Variants in MYO16 observed in about 807,000 individuals in gnomAD.
MYO16 encodes the protein myosin XVI, also known as unconventional myosin-XVI.
A neutral mutation model predicts 205.3 loss-of-function variants in MYO16; 94 were observed. The observed-to-expected ratio is 0.46, with a 90% confidence interval of 0.39 to 0.54. MYO16 has a LOEUF of 0.54. Ranked by LOEUF, MYO16 falls within the 20% of genes least tolerant of loss-of-function variation. MYO16 has a pLI of 0.00. For missense variants in MYO16, 2,315 were observed against 2,387.5 expected (o/e 0.97, Z 0.63); for synonymous variants, 988 against 954.0 (o/e 1.04, Z -0.66).
intron 27 of MYO16, among the ~76,000 whole-genome samples, chr13:109,078,412 G>A (rs909159806): frequency 6.6e-6 from 1 of 152,000 alleles, no homozygotes; most frequent in African/African-American, 2.4e-5. Context: ...CTGTGCTCCG[G>A]TCTGGGCAAC....
At chr13:109,024,010 TATA>T (rs1347554150) in intron 23 of MYO16, among the ~76,000 whole-genome samples, 1 of 48,168 alleles carries the variant, frequency 2.1e-5, no homozygotes, top group East Asian at 2.0e-3. Flanking sequence ...ATAGAAATAT[TATA>T]TATACAATGT....
chr13:108,543,834 G>A, the MYO16 span, among the ~76,000 whole-genome samples: 1 of 148,624 alleles, frequency 6.7e-6, no homozygotes, highest in Admixed American at 6.7e-5. Flanking sequence ...GGGAGGCCGG[G>A]GTGGGTGGAT....
At chr13:108,708,592 G>T (rs1471527007) in intron 2 of MYO16, among the ~76,000 whole-genome samples, 1 of 152,144 alleles carries the variant, frequency 6.6e-6, no homozygotes, top group Non-Finnish European at 1.5e-5. Context: ...CTTCTGCAGG[G>T]CTTATAACAG....
chr13:108,791,651 A>G (rs1886619464), intron 5 of MYO16, among the ~76,000 whole-genome samples: 2 of 152,186 alleles, frequency 1.3e-5, no homozygotes, highest in Admixed American at 1.3e-4. Flanking sequence ...TTGCTCATCC[A>G]GGCTCGGAGA....
In MYO16 at chr13:109,042,726, G is replaced by T. The variant is rs531817512; in HGVS notation, c.2797-4190G>T. ...GGTCAAAGGCTTTTAAAGTTGGAGG[G>T]CCCTTAGGTAATATTATTTAACACA... On this transcript the variant is annotated intron_variant, in intron 23 of 34. Transcript: ENST00000457511. Among the ~76,000 whole-genome samples, 7 of 152,266 alleles carry T rather than the reference G, an allele frequency of 4.6e-5. No individual in the cohort carries two copies. In the South Asian group the frequency reaches 1.5e-3, roughly 32 times the overall value.
At chr13:108,516,183 C>T in the MYO16 span, among the ~76,000 whole-genome samples, 1 of 152,106 alleles carries the variant, frequency 6.6e-6, no homozygotes, top group Non-Finnish European at 1.5e-5. Flanking sequence ...TCGTGGTGCG[C>T]CATTTTTTAA....
chr13:108,931,697 T>C (rs1882264586), intron 16 of MYO16, among the ~76,000 whole-genome samples: 1 of 152,188 alleles, frequency 6.6e-6, no homozygotes, highest in African/African-American at 2.4e-5. Context: ...ATAATAGGTA[T>C]GTGATAAAAT....
At chr13:108,983,540 A>C (rs1030644725) in intron 20 of MYO16, among the ~76,000 whole-genome samples, 2 of 152,210 alleles carry the variant, frequency 1.3e-5, no homozygotes, top group African/African-American at 2.4e-5. Flanking sequence ...CTGAGGACAC[A>C]CTTGAAAAAC....
In MYO16 at chr13:109,019,782, A is replaced by G; in HGVS notation, c.2667A>G (p.Pro889=). 1 of 1,614,026 alleles carries G rather than the reference A, an allele frequency of 6.2e-7. No homozygotes were observed. The highest frequency in any genetic ancestry group is 8.5e-7 in the Non-Finnish European group (1 of 1,179,910). Reference sequence around the variant, plus strand: ...TTTGGTCAGTGGAATCAAATTTTCCAAAAAAACTACAAAGTCTCCTAGAAT... The same window carrying G: ...TTTGGTCAGTGGAATCAAATTTTCCGAAAAAACTACAAAGTCTCCTAGAAT... ...QMIWSVESNF[P]KKLQSLLESS... Residue 889 remains proline (P), a synonymous_variant, in exon 23 of 35, where the codon CCA becomes CCG. Transcript: ENST00000457511.
chr13:109,180,886 C>T (rs1288012778), intron 34 of MYO16, among the ~76,000 whole-genome samples: 1 of 152,232 alleles, frequency 6.6e-6, no homozygotes, highest in African/African-American at 2.4e-5. Context: ...ACCTCCTGGT[C>T]ATGAACACTG....
At chr13:109,100,274 A>G (rs1888919570) in intron 27 of MYO16, among the ~76,000 whole-genome samples, 1 of 152,230 alleles carries the variant, frequency 6.6e-6, no homozygotes, top group African/African-American at 2.4e-5. Flanking sequence ...AATGTCCCAG[A>G]ATATTTGAAA....
At chr13:108,525,941 A>ATT in the MYO16 span, among the ~76,000 whole-genome samples, 45,308 of 145,392 alleles carry the variant, frequency 0.31, 8,754 homozygotes, top group African/African-American at 0.54. Flanking sequence ...CCTAGGTCTG[A>ATT]TTTTTTTTTT....
intron 28 of MYO16, among the ~76,000 whole-genome samples, chr13:109,119,561 A>G (rs1875885025): frequency 6.6e-6 from 1 of 152,154 alleles, no homozygotes; most frequent in Non-Finnish European, 1.5e-5. Flanking sequence ...GAATTCTTCA[A>G]ATAAGCACAA....
chr13:109,030,168 CA>C (rs10632019), intron 23 of MYO16, among the ~76,000 whole-genome samples: 27 of 144,598 alleles, frequency 1.9e-4, no homozygotes, highest in African/African-American at 6.1e-4. Flanking sequence ...AGAAGGAAAG[CA>C]AAAAAAAAAA....
At chr13:109,024,731 T>G (rs1276248506) in intron 23 of MYO16, among the ~76,000 whole-genome samples, 1 of 152,126 alleles carries the variant, frequency 6.6e-6, no homozygotes, top group Admixed American at 6.6e-5. Flanking sequence ...TGTGGTTTTA[T>G]AAAAATCTTT....
intron 21 of MYO16, among the ~76,000 whole-genome samples, chr13:108,997,478 G>A (rs112691931): frequency 0.089 from 13,402 of 150,718 alleles, 664 homozygotes; most frequent in Middle Eastern, 0.11. Flanking sequence ...GAAGAACTTA[G>A]AGAATTGAAG....
rs574587048 is a variant in MYO16, at chr13:109,153,830, C to T, written c.5165-11071C>T. Among the ~76,000 whole-genome samples the T allele has an allele frequency of 2.0e-3, 301 of 152,234 alleles. 1 individual carries two copies. The highest frequency in any genetic ancestry group is 6.9e-3 in the African/African-American group (287 of 41,544). ...ACAGCTAGGCTAGGAGAAGGGAAACCCCACCACCGACCTGCCTGGCCACCT... is the reference window on the plus strand; with the variant it reads ...ACAGCTAGGCTAGGAGAAGGGAAACTCCACCACCGACCTGCCTGGCCACCT... On this transcript the variant is annotated intron_variant, in intron 32 of 34. Transcript: ENST00000457511.
intron 7 of MYO16, among the ~76,000 whole-genome samples, chr13:108,815,216 A>G (rs1047897054): frequency 1.3e-5 from 2 of 152,210 alleles, no homozygotes; most frequent in Non-Finnish European, 2.9e-5. Flanking sequence ...GACACTGAAT[A>G]TTGTTAAGGT....
In MYO16 at chr13:108,820,377, C is replaced by A; in HGVS notation, c.908C>A (p.Pro303Gln). The A allele has an allele frequency of 6.2e-7, 1 of 1,607,258 alleles. No homozygotes were observed. The highest frequency in any genetic ancestry group is 2.3e-5 in the East Asian group (1 of 44,206). ...CTTCTCCTGATGCATCAGGCAAACC[C>A]ACACCTCGTGAACTGTAATGAGGAG... ...VKLLLMHQAN[P>Q]HLVNCNEEKA... The change falls in exon 8 of 35, where the codon CCA (proline) becomes CAA (glutamine). Residue 303 changes from proline to glutamine, a missense_variant. Physicochemically the swap from Pro to Gln is moderately conservative, Grantham distance 76. This residue lies in a region of MYO16 where 1,213 missense variants were observed against 1,274.4 expected (regional missense o/e 0.95). Transcript: ENST00000457511.
Sources: gnomAD v4.1 joint callset for allele counts (sites outside exome capture counted in the v4.1 genomes callset) on GRCh38, gnomAD v4.1.1 for gene constraint, gnomAD v4.1.1 regional missense constraint, MANE v1.5 for transcripts, NCBI Gene and HGNC (gene_info 2026-07-23, HGNC 2026-07-21) for gene names.